Variants in MARCHF1 observed in about 807,000 individuals in gnomAD.
The protein encoded by MARCHF1 is membrane associated ring-CH-type finger 1.
In MARCHF1, 40 loss-of-function variants were observed where a neutral mutation model predicts 54.2. The observed-to-expected ratio is 0.74, with a 90% CI of 0.57 to 0.96. MARCHF1 has a LOEUF of 0.96. Among genes scored for constraint, MARCHF1 ranks in the 40% least tolerant of loss-of-function variants. The pLI is 0.00. For missense variants in MARCHF1, 586 were observed against 656.5 expected, an observed-to-expected ratio of 0.89 and a Z score of 1.17; for synonymous variants, 236 against 236.3, an observed-to-expected ratio of 1.00 and a Z score of 0.01.
At chr4:163,604,737 T>C (rs1278278952) in intron 7 of MARCHF1, among the ~76,000 whole-genome samples, 1 of 152,150 alleles carries the variant, frequency 6.6e-6, no homozygotes, top group Non-Finnish European at 1.5e-5. Flanking sequence ...CCTGGCTCTC[T>C]ACTAGGCTAC....
At chr4:163,840,722 T>C (rs1749313332) in intron 4 of MARCHF1, among the ~76,000 whole-genome samples, 1 of 152,052 alleles carries the variant, frequency 6.6e-6, no homozygotes, top group Non-Finnish European at 1.5e-5. Flanking sequence ...TAGTTAATAA[T>C]GTTGCAATGT....
At chr4:164,296,191 G>A (rs985984736) in intron 1 of MARCHF1, among the ~76,000 whole-genome samples, 1 of 152,106 alleles carries the variant, frequency 6.6e-6, no homozygotes. Flanking sequence ...CAAAACCAGT[G>A]TCACCAAATC....
intron 5 of MARCHF1, among the ~76,000 whole-genome samples, chr4:163,668,123 C>T (rs1366189186): frequency 1.3e-5 from 2 of 152,150 alleles, no homozygotes; most frequent in Non-Finnish European, 2.9e-5. Context: ...ACCAACTGAT[C>T]ATGATACAGT....
intron 8 of MARCHF1, among the ~76,000 whole-genome samples, chr4:163,567,165 T>C (rs1739671837): frequency 6.6e-6 from 1 of 152,072 alleles, no homozygotes; most frequent in Admixed American, 6.5e-5. Context: ...GCATATTCAG[T>C]GAAGAATAAA....
chr4:163,548,869 G>A (rs1739002068), intron 8 of MARCHF1, among the ~76,000 whole-genome samples: 1 of 152,216 alleles, frequency 6.6e-6, no homozygotes, highest in Non-Finnish European at 1.5e-5. Flanking sequence ...TAACAAAGCT[G>A]TCATGAAAGT....
In MARCHF1 at chr4:163,910,725, G is replaced by A. The variant is rs539642048; in HGVS notation, c.-38-56556C>T. ...TTGGCCAAGCTGGTCTCGAACTCCT[G>A]ACCTCAGGTGATCCACGCACCTTGA... On this transcript the variant is annotated intron_variant, in intron 3 of 9. Coordinates refer to ENST00000514618, the MANE Select transcript of MARCHF1 (RefSeq NM_001394959.1). Among the ~76,000 whole-genome samples the A allele has an allele frequency of 3.9e-5, 6 of 152,282 alleles. No individual in the cohort carries two copies. The South Asian group carries it at 1.2e-3, about 32-fold the overall frequency.
chr4:163,732,051 G>T (rs1465858602), intron 4 of MARCHF1, among the ~76,000 whole-genome samples: 1 of 152,078 alleles, frequency 6.6e-6, no homozygotes, highest in Non-Finnish European at 1.5e-5. Context: ...TACTAGGTAT[G>T]CAAAGAAGTA....
chr4:163,904,452 T>C (rs190889271), intron 3 of MARCHF1, among the ~76,000 whole-genome samples: 1 of 152,234 alleles, frequency 6.6e-6, no homozygotes, highest in African/African-American at 2.4e-5. Flanking sequence ...TGCTGAGTGT[T>C]AAAAGAAATT....
rs142812116 is a variant in MARCHF1, at chr4:164,023,186, G to C, written c.-247-34477C>G. 2.4e-4 allele frequency among the ~76,000 whole-genome samples: 37 copies of C among 152,336 alleles called. No homozygotes were observed. The East Asian group carries it at 7.0e-3, about 29-fold the overall frequency. On this transcript the variant is annotated intron_variant, in intron 2 of 9. Coordinates refer to ENST00000514618, the MANE Select transcript of MARCHF1 (RefSeq NM_001394959.1). ...CCAATGCAGGGCCAGTAATGAAAAG[G>C]TATGTTCTGTCTCCTTGCTGAGATC...
chr4:164,148,173 A>G (rs1027283305), intron 1 of MARCHF1, among the ~76,000 whole-genome samples: 3 of 148,606 alleles, frequency 2.0e-5, no homozygotes, highest in Admixed American at 6.8e-5. Context: ...ACACACACTC[A>G]CGAATTCAAC....
chr4:163,642,536 G>C (rs1402939112), intron 5 of MARCHF1, among the ~76,000 whole-genome samples: 1 of 152,068 alleles, frequency 6.6e-6, no homozygotes, highest in Non-Finnish European at 1.5e-5. Flanking sequence ...TGGCTTGATT[G>C]CATATTTGTC....
chr4:163,921,088 T>C (rs1338754302), intron 3 of MARCHF1, among the ~76,000 whole-genome samples: 1 of 152,180 alleles, frequency 6.6e-6, no homozygotes, highest in Non-Finnish European at 1.5e-5. Flanking sequence ...TGATACCAAA[T>C]GTCTGTGTTT....
intron 3 of MARCHF1, among the ~76,000 whole-genome samples, chr4:163,857,926 G>A (rs1283054240): frequency 6.6e-6 from 1 of 152,142 alleles, no homozygotes; most frequent in African/African-American, 2.4e-5. Context: ...AGTATACTGA[G>A]CACTATGAAA....
chr4:163,787,279 A>C (rs945243911), intron 4 of MARCHF1, among the ~76,000 whole-genome samples: 2 of 151,738 alleles, frequency 1.3e-5, no homozygotes, highest in Non-Finnish European at 3.0e-5. Context: ...ACAATCAACA[A>C]AGTGAAAAGG....
At chr4:163,573,298 A>ATTATTATTG (rs1739903528) in intron 8 of MARCHF1, among the ~76,000 whole-genome samples, 1 of 48,754 alleles carries the variant, frequency 2.1e-5, no homozygotes, top group Non-Finnish European at 3.6e-5. Flanking sequence ...TTTTTCTCTT[A>ATTATTATTG]TTATTATTAT....
At chr4:163,764,677 A>C (rs144552804) in intron 4 of MARCHF1, among the ~76,000 whole-genome samples, 4 of 152,084 alleles carry the variant, frequency 2.6e-5, no homozygotes, top group Non-Finnish European at 4.4e-5. Flanking sequence ...ATGTAAATGT[A>C]TTAATAGAAA....
intron 3 of MARCHF1, among the ~76,000 whole-genome samples, chr4:163,871,511 A>C (rs1424762444): frequency 6.6e-6 from 1 of 152,200 alleles, no homozygotes; most frequent in Non-Finnish European, 1.5e-5. Context: ...CTGTATATAC[A>C]AGTCTTTGCC....
intron 1 of MARCHF1, among the ~76,000 whole-genome samples, chr4:164,266,656 AC>A (rs1244087412): frequency 6.6e-6 from 1 of 152,202 alleles, no homozygotes. Context: ...AGAAGAGGAA[AC>A]AAAACTCCTG....
At position 163,925,544 on chromosome 4, in the gene MARCHF1, T is replaced by C. The variant is rs79362878; in HGVS notation, c.-39+62957A>G. On this transcript the variant is annotated intron_variant, in intron 3 of 9. Coordinates refer to ENST00000514618, the MANE Select transcript of MARCHF1 (RefSeq NM_001394959.1). ...AATGATACTTAAATCAAGGAAGACA[T>C]ATTGACAATTTTGTTCAAAAGAAAA... Among the ~76,000 whole-genome samples, 1,064 of 151,960 alleles carry C rather than the reference T, an allele frequency of 7.0e-3. 11 individuals are homozygous for C. The highest frequency in any genetic ancestry group is 0.035 in the East Asian group (180 of 5,156).
Sources: gnomAD v4.1 joint callset for allele counts (sites outside exome capture counted in the v4.1 genomes callset) on GRCh38, gnomAD v4.1.1 for gene constraint, MANE v1.5 for transcripts, NCBI Gene and HGNC (gene_info 2026-07-23, HGNC 2026-07-21) for gene names.